The following ARCN1 variants were observed in gnomAD, a reference collection of about 807,000 sequenced individuals.
ARCN1 encodes the protein archain 1 coat protein complex I subunit delta.
In ARCN1, 5 loss-of-function variants were observed where a neutral mutation model predicts 60.4. The ratio of observed to expected loss-of-function variants is 0.08; its 90% CI spans 0.04 to 0.17. The LOEUF is 0.17. Among genes scored for constraint, ARCN1 ranks in the 10% least tolerant of loss-of-function variants. The pLI is 1.00. For synonymous variants in ARCN1, 224 were observed against 220.0 expected (o/e 1.02, Z -0.16); for missense variants, 464 against 626.5 (o/e 0.74, Z 2.77).
intron 1 of ARCN1, chr11:118,573,778 C>T (rs1296961140): frequency 3.3e-6 from 2 of 610,686 alleles, no homozygotes; most frequent in Non-Finnish European, 6.0e-6. Flanking sequence ...CTTTTCTCAG[C>T]CTCAGGTATA....
At chr11:118,585,961 C>G (rs1938769606) in intron 5 of ARCN1, among the ~76,000 whole-genome samples, 1 of 152,184 alleles carries the variant, frequency 6.6e-6, no homozygotes, top group Non-Finnish European at 1.5e-5. Context: ...ATATTCGTGA[C>G]TCAGATTTCT....
Position 118,592,868 on chromosome 11 carries a change from T to C in ARCN1, c.1132+12T>C, listed in dbSNP as rs569999659. ...TATTCCACTGACAAGTAAGTGCCTC[T>C]GGCCAGTCCCACTAAGCTAGTTTGC... On this transcript the variant is annotated intron_variant, in intron 7 of 9. Coordinates refer to ENST00000264028, the MANE Select transcript of ARCN1 (RefSeq NM_001655.5). The C allele has an allele frequency of 6.2e-7, 1 of 1,611,404 alleles. No individual in the cohort carries two copies. The highest frequency in any genetic ancestry group is 1.7e-5 in the Admixed American group (1 of 59,804).
At chr11:118,573,849 A>G in intron 1 of ARCN1, 1 of 511,822 alleles carries the variant, frequency 2.0e-6, no homozygotes, top group Non-Finnish European at 3.5e-6. Flanking sequence ...AATTTCCAGA[A>G]ACTTGTATTT....
At chr11:118,596,750 G>A (rs1939034724) in intron 8 of ARCN1, among the ~76,000 whole-genome samples, 1 of 152,146 alleles carries the variant, frequency 6.6e-6, no homozygotes, top group African/African-American at 2.4e-5. Flanking sequence ...TGCTTCTCTC[G>A]CAGATTAAGG....
rs150024278 is a variant in ARCN1, at chr11:118,579,399, C to T, written c.4-1847C>T. On this transcript the variant is annotated intron_variant, in intron 1 of 9. Transcript: ENST00000264028. ...TAAAATGCAGCCAAAATAGGCCGGG[C>T]GGTGGCTCATGCCTGTAATCTCAGC... 8.6e-5 allele frequency among the ~76,000 whole-genome samples: 13 copies of T among 151,920 alleles called. No homozygotes were observed. In the East Asian group the frequency reaches 2.1e-3, roughly 25 times the overall value.
chr11:118,583,131 C>A, intron 2 of ARCN1, 48 bp from the exon 3 acceptor site: 1 of 1,583,970 alleles, frequency 6.3e-7, no homozygotes, highest in Non-Finnish European at 8.7e-7. Context: ...GGAAATATAG[C>A]TGCTGATAAA....
chr11:118,592,665 C>T (rs1349566411), intron 6 of ARCN1, 44 bp from the exon 7 acceptor site: 60 of 1,554,078 alleles, frequency 3.9e-5, no homozygotes, highest in Non-Finnish European at 4.7e-5. Context: ...GGTTGTTTCT[C>T]GTCTATCTGA....
chr11:118,583,391 G>A, intron 3 of ARCN1, 33 bp downstream of exon 3: 5 of 1,568,504 alleles, frequency 3.2e-6, no homozygotes, highest in Non-Finnish European at 4.3e-6. Context: ...CTACCTGTTT[G>A]TATGTCTTTC....
chr11:118,582,831 A>G (rs1458427754), intron 2 of ARCN1, among the ~76,000 whole-genome samples: 1 of 151,978 alleles, frequency 6.6e-6, no homozygotes, highest in African/African-American at 2.4e-5. Context: ...ACCTGAGGTC[A>G]GGAGTTCAAC....
chr11:118,600,824 C>G lies in ARCN1; in HGVS notation c.*110C>G. 4.2e-6 allele frequency: 3 copies of G among 721,996 alleles called. No individual in the cohort carries two copies. The allele number at this position is 721,996 out of a possible 1,614,324, so 44.7% of individuals were successfully genotyped here. Reference sequence around the variant, plus strand: ...ACAAGCCACTGGAGACCCCTTTTTTCTGATACAATGCACGATTCTCTGCGC... The same window carrying G: ...ACAAGCCACTGGAGACCCCTTTTTTGTGATACAATGCACGATTCTCTGCGC... On this transcript the variant is annotated 3_prime_UTR_variant, in exon 10 of 10. Coordinates refer to ENST00000264028, the MANE Select transcript of ARCN1 (RefSeq NM_001655.5).
intron 1 of ARCN1, 113 bp downstream of exon 1, chr11:118,572,663 G>C (rs539592674): frequency 7.1e-7 from 1 of 1,400,612 alleles, no homozygotes; most frequent in South Asian, 1.3e-5. Flanking sequence ...CTAGGGCAGA[G>C]TGCTTTTGCT....
At chr11:118,578,960 A>T (rs969305504) in intron 1 of ARCN1, among the ~76,000 whole-genome samples, 6 of 136,662 alleles carry the variant, frequency 4.4e-5, no homozygotes, top group South Asian at 2.4e-4. Flanking sequence ...TTTTCATGAG[A>T]TGCATGTTTA....
chr11:118,584,148 C>A, intron 4 of ARCN1, 134 bp downstream of exon 4: 2 of 886,644 alleles, frequency 2.3e-6, no homozygotes, highest in Non-Finnish European at 3.4e-6. Flanking sequence ...TACATTTGGC[C>A]ACATACAATA....
At position 118,600,735 on chromosome 11, in the gene ARCN1, A is replaced by G; in HGVS notation, c.*21A>G. ...TGTAATACCAAGAAGAGGGAGCTGA[A>G]AAGGAAAATTTTCAGATTAATAAAG... On this transcript the variant is annotated 3_prime_UTR_variant, in exon 10 of 10. Coordinates refer to ENST00000264028, the MANE Select transcript of ARCN1 (RefSeq NM_001655.5). 1 of 1,538,254 alleles carries G rather than the reference A, an allele frequency of 6.5e-7. No individual in the cohort carries two copies. The highest frequency in any genetic ancestry group is 1.2e-5 in the South Asian group (1 of 84,636).
chr11:118,593,376 T>A (rs1384744093), intron 7 of ARCN1, among the ~76,000 whole-genome samples: 1 of 148,812 alleles, frequency 6.7e-6, no homozygotes, highest in Non-Finnish European at 1.5e-5. Context: ...AACAGGGAAG[T>A]GCCACCACGC....
intron 5 of ARCN1, among the ~76,000 whole-genome samples, chr11:118,589,623 A>G (rs1355593068): frequency 2.0e-5 from 3 of 152,046 alleles, no homozygotes; most frequent in South Asian, 2.1e-4. Flanking sequence ...GGGTTTCACC[A>G]TGTTAGCCAG....
At chr11:118,598,500 T>C (rs1939078979) in intron 9 of ARCN1, among the ~76,000 whole-genome samples, 1 of 150,506 alleles carries the variant, frequency 6.6e-6, no homozygotes, top group South Asian at 2.1e-4. Context: ...TTTTTTTTTT[T>C]TTTTTTTTTT....
Position 118,601,995 on chromosome 11 carries a change from C to T in ARCN1, c.*1281C>T. 2.3e-6 allele frequency: 1 copy of T among 435,066 alleles called. No individual in the cohort carries two copies. The highest frequency in any genetic ancestry group is 4.1e-6 in the Non-Finnish European group (1 of 241,916). The allele number at this position is 435,066 out of a possible 1,614,324, so 27.0% of individuals were successfully genotyped here. A position where few individuals can be genotyped will look rare whatever the true frequency, so the allele number is the denominator to read the frequency against. On this transcript the variant is annotated 3_prime_UTR_variant, in exon 10 of 10. Transcript: ENST00000264028. The stretch of plus-strand genomic sequence containing the variant: ...CACCACCTCCCTCTTCCAGACTGCA[C>T]TCTCTGTCATCAGTCCCCTCCTTTC...
At chr11:118,583,777 A>G (rs1938713183) in intron 3 of ARCN1, 32 bp from the exon 4 acceptor site, 2 of 1,596,862 alleles carry the variant, frequency 1.3e-6, no homozygotes, top group African/African-American at 1.4e-5. Context: ...CCCAAAAAAA[A>G]AAGCTACATT....
Sources: gnomAD v4.1 joint callset for allele counts (sites outside exome capture counted in the v4.1 genomes callset) on GRCh38, gnomAD v4.1.1 for gene constraint, MANE v1.5 for transcripts, NCBI Gene and HGNC (gene_info 2026-07-23, HGNC 2026-07-21) for gene names.